The following ZFYVE28 variants were observed in gnomAD, a reference collection of about 807,000 sequenced individuals.
ZFYVE28 encodes zinc finger FYVE-type containing 28.
In ZFYVE28, 40 loss-of-function variants were observed where a neutral mutation model predicts 82.1. The observed-to-expected ratio is 0.49, with a 90% CI of 0.38 to 0.63. The LOEUF is 0.63. Among genes scored for constraint, ZFYVE28 ranks in the 30% least tolerant of loss-of-function variants. The probability of loss-of-function intolerance (pLI) is 0.00; values close to 1 mark genes in which losing one functional copy is unlikely to be tolerated. For synonymous variants in ZFYVE28, 612 were observed against 546.1 expected, an observed-to-expected ratio of 1.12 and a Z score of -1.68; for missense variants, 1,321 against 1,242.1, an observed-to-expected ratio of 1.06 and a Z score of -0.96.
At chr4:2,403,006 C>T (rs536235116) in intron 1 of ZFYVE28, among the ~76,000 whole-genome samples, 3 of 152,372 alleles carry the variant, frequency 2.0e-5, no homozygotes, top group South Asian at 2.1e-4. Flanking sequence ...ATGAGGCTGG[C>T]GTGCCATTAT....
At chr4:2,271,248 C>G in intron 12 of ZFYVE28, 63 bp downstream of exon 12, 1 of 1,528,540 alleles carries the variant, frequency 6.5e-7, no homozygotes, top group African/African-American at 1.4e-5. Flanking sequence ...TTCCAGACCT[C>G]AGGCTCTGTC....
At chr4:2,349,387 G>A in intron 2 of ZFYVE28, among the ~76,000 whole-genome samples, 1 of 117,510 alleles carries the variant, frequency 8.5e-6, no homozygotes, top group East Asian at 3.1e-4. Flanking sequence ...GGAGGGGGGA[G>A]GGATAGAATT....
chr4:2,302,005 C>T (rs889335193), intron 8 of ZFYVE28, among the ~76,000 whole-genome samples: 1 of 152,202 alleles, frequency 6.6e-6, no homozygotes, highest in Non-Finnish European at 1.5e-5. Context: ...AGGCCAGCCT[C>T]GCATGAGGCC....
At chr4:2,356,224 C>T (rs942079490) in intron 1 of ZFYVE28, among the ~76,000 whole-genome samples, 2 of 152,204 alleles carry the variant, frequency 1.3e-5, no homozygotes, top group African/African-American at 4.8e-5. Context: ...GCTCCAGCGA[C>T]GGCTGCATGC....
Position 2,354,088 on chromosome 4 carries a change from G to A in ZFYVE28, c.40-15C>T. On this transcript the variant is annotated splice_polypyrimidine_tract_variant and intron_variant, in intron 1 of 12. Transcript: ENST00000290974. ...GGATCCGACCTCTGCAGGAGAGAGG[G>A]GCCAGGGCCATGAGTGGGTGGGGAA... 2 of 1,513,812 alleles carry A rather than the reference G, an allele frequency of 1.3e-6. 1 individual carries two copies. The highest frequency in any genetic ancestry group is 2.6e-5 in the South Asian group (2 of 76,210). The allele number at this position is 1,513,812 out of a possible 1,614,324, so 93.8% of individuals were successfully genotyped here.
intron 2 of ZFYVE28, among the ~76,000 whole-genome samples, chr4:2,346,266 C>A (rs1434171766): frequency 6.7e-6 from 1 of 149,540 alleles, no homozygotes; most frequent in Non-Finnish European, 1.5e-5. Context: ...GCTGTGAACC[C>A]GGGAGGCAGA....
intron 2 of ZFYVE28, among the ~76,000 whole-genome samples, chr4:2,345,505 T>G (rs774107736): frequency 8.6e-5 from 13 of 151,920 alleles, no homozygotes; most frequent in Non-Finnish European, 1.8e-4. Flanking sequence ...AGACAGCAAC[T>G]GAAACTATCC....
intron 7 of ZFYVE28, among the ~76,000 whole-genome samples, chr4:2,307,298 T>C (rs1021242562): frequency 6.6e-6 from 1 of 152,200 alleles, no homozygotes; most frequent in South Asian, 2.1e-4. Context: ...GGATTTGAGT[T>C]CTTTATTAGA....
Position 2,339,177 on chromosome 4 carries a change from C to T in ZFYVE28, c.521+276G>A, listed in dbSNP as rs1368553589. Among the ~76,000 whole-genome samples the T allele has an allele frequency of 5.9e-5, 9 of 152,186 alleles. No homozygotes were observed. The South Asian group carries it at 1.0e-3, about 18-fold the overall frequency. On this transcript the variant is annotated intron_variant, in intron 4 of 12. Coordinates refer to ENST00000290974, the MANE Select transcript of ZFYVE28 (RefSeq NM_020972.3). This position sits in a 1 kb window ranked among gnomAD's most constrained non-coding sequence, Gnocchi z 5.0. ...CTTCCGAGGCATCATGCATGTCTGGCCCCTCGGGCCTCTCCAAAGCCCTTC... is the reference window on the plus strand; with the variant it reads ...CTTCCGAGGCATCATGCATGTCTGGTCCCTCGGGCCTCTCCAAAGCCCTTC...
rs1163053392 is a variant in ZFYVE28 at position 2,320,675 on chromosome 4, G to A, written c.702-404C>T. On this transcript the variant is annotated intron_variant, in intron 6 of 12. Coordinates refer to ENST00000290974, the MANE Select transcript of ZFYVE28 (RefSeq NM_020972.3). This position sits in a 1 kb window ranked among gnomAD's most constrained non-coding sequence, Gnocchi z 5.1. ...GCAGAGCTTTATGAGAACTGGACCTGGAACCATCTTCTCCAAAAGCAAAAC... is the reference window on the plus strand; with the variant it reads ...GCAGAGCTTTATGAGAACTGGACCTAGAACCATCTTCTCCAAAAGCAAAAC... Among the ~76,000 whole-genome samples, 1 of 152,208 alleles carries A rather than the reference G, an allele frequency of 6.6e-6. No homozygotes were observed. Among genetic ancestry groups the A allele is most frequent in the Non-Finnish European group, 1.5e-5 (1 of 68,042 alleles).
intron 8 of ZFYVE28, 70 bp downstream of exon 8, chr4:2,304,219 A>G: frequency 6.7e-7 from 1 of 1,491,160 alleles, no homozygotes; most frequent in Non-Finnish European, 8.9e-7. Flanking sequence ...CAATGCTTGG[A>G]GAATGCGCCA....
At chr4:2,343,855 G>A (rs73797763) in intron 2 of ZFYVE28, among the ~76,000 whole-genome samples, 1 of 152,228 alleles carries the variant, frequency 6.6e-6, no homozygotes, top group African/African-American at 2.4e-5. Context: ...AGCTGCCTGA[G>A]GGAAGGGTCT....
At chr4:2,388,650 C>T (rs546172063) in intron 1 of ZFYVE28, among the ~76,000 whole-genome samples, 1 of 152,118 alleles carries the variant, frequency 6.6e-6, no homozygotes, top group Non-Finnish European at 1.5e-5. Context: ...CTTAGGAGAA[C>T]GAACACGGTG....
intron 6 of ZFYVE28, among the ~76,000 whole-genome samples, chr4:2,333,735 A>G (rs1721105528): frequency 6.6e-6 from 1 of 152,180 alleles, no homozygotes; most frequent in Admixed American, 6.5e-5. Context: ...GGACAAGGAG[A>G]CACCTGTACC....
chr4:2,288,820 G>A (rs7667817), intron 8 of ZFYVE28, among the ~76,000 whole-genome samples: 103,273 of 151,928 alleles, frequency 0.68, 36,467 homozygotes, highest in African/African-American at 0.87. Flanking sequence ...TCTACTAAAA[G>A]TTAAAAAAAA....
At chr4:2,405,298 C>A (rs1578409802) in intron 1 of ZFYVE28, among the ~76,000 whole-genome samples, 1 of 152,330 alleles carries the variant, frequency 6.6e-6, no homozygotes. Context: ...ATTCTCTCCC[C>A]ACAGTGAGCT....
chr4:2,318,107 C>G (rs1016701405), intron 7 of ZFYVE28, among the ~76,000 whole-genome samples: 1 of 152,370 alleles, frequency 6.6e-6, no homozygotes, highest in Non-Finnish European at 1.5e-5. Flanking sequence ...AGCAGAGCTT[C>G]TCTGCCTGGG....
intron 1 of ZFYVE28, among the ~76,000 whole-genome samples, chr4:2,392,370 T>C (rs1290433173): frequency 6.6e-6 from 1 of 152,178 alleles, no homozygotes; most frequent in Non-Finnish European, 1.5e-5. Context: ...CATAATCCAA[T>C]GCGTAAGTAC....
chr4:2,329,082 T>C, intron 6 of ZFYVE28: 4 of 694,968 alleles, frequency 5.8e-6, no homozygotes, highest in Non-Finnish European at 1.1e-5. Context: ...TTTTCAATAT[T>C]GTTTTGGCTA....
Sources: allele counts gnomAD v4.1 joint callset (sites outside exome capture counted in the v4.1 genomes callset), GRCh38; gene constraint gnomAD v4.1.1; non-coding constraint Gnocchi (gnomAD v3.1); transcripts MANE v1.5; gene names NCBI Gene and HGNC (gene_info 2026-07-23, HGNC 2026-07-21).